TIMMDC1: variants seen among roughly 807,000 people sequenced by gnomAD.
The protein encoded by TIMMDC1 is complex I assembly factor TIMMDC1, mitochondrial.
TIMMDC1 carries 25 observed loss-of-function variants against 32.6 expected under a neutral mutation model. The observed-to-expected ratio is 0.77, with a 90% CI of 0.56 to 1.07. TIMMDC1 has a LOEUF of 1.07. TIMMDC1 is among the 50% of genes least tolerant of loss of function. TIMMDC1 has a pLI of 0.00. For missense variants in TIMMDC1, 329 were observed against 349.2 expected (o/e 0.94, Z 0.46); for synonymous variants, 130 against 127.6 (o/e 1.02, Z -0.13).
chr3:119,516,459 A>T (rs910364626), intron 5 of TIMMDC1, among the ~76,000 whole-genome samples: 1 of 152,142 alleles, frequency 6.6e-6, no homozygotes, highest in African/African-American at 2.4e-5. Flanking sequence ...ATAATACTCC[A>T]TTGTATGTGT....
In TIMMDC1 at chr3:119,498,828, C is replaced by T. The variant is rs751732797; in HGVS notation, c.95C>T (p.Ser32Leu). 5 of 1,614,106 alleles carry T rather than the reference C, an allele frequency of 3.1e-6. No homozygotes were observed. In the South Asian group the frequency reaches 3.3e-5, roughly 11 times the overall value. The change falls in exon 1 of 7, where the codon TCG (serine) becomes TTG (leucine). Residue 32 changes from serine (S) to leucine (L), a missense_variant. Transcript: ENST00000494664. ...GCTGCCGAAGCTGTGACTGCCGATT[C>T]GGAAGTCCTTGAGGAGCGTCAGAAG... ...VFAAEAVTAD[S>L]EVLEERQKRL...
intron 4 of TIMMDC1, among the ~76,000 whole-genome samples, chr3:119,510,407 A>T (rs933039604): frequency 2.0e-5 from 3 of 152,218 alleles, no homozygotes; most frequent in African/African-American, 7.2e-5. Flanking sequence ...AGCAATTCAA[A>T]TCAAAATTAC....
At position 119,505,368 on chromosome 3, in the gene TIMMDC1, T is replaced by A. The variant is rs181545846; in HGVS notation, c.517+1347T>A. Reference sequence around the variant, plus strand: ...TGTATTCTGAACATAAGTTTGTTTTTGTTTTTTTTTTTGAGATGGAGTTTT... The same window carrying A: ...TGTATTCTGAACATAAGTTTGTTTTAGTTTTTTTTTTTGAGATGGAGTTTT... On this transcript the variant is annotated intron_variant, in intron 4 of 6. Coordinates refer to ENST00000494664, the MANE Select transcript of TIMMDC1 (RefSeq NM_016589.4). Among the ~76,000 whole-genome samples the A allele has an allele frequency of 6.6e-5, 10 of 152,138 alleles. No individual in the cohort carries two copies. In the East Asian group the frequency reaches 1.9e-3, roughly 29 times the overall value.
At chr3:119,506,941 C>T (rs554500872) in intron 4 of TIMMDC1, among the ~76,000 whole-genome samples, 23 of 152,316 alleles carry the variant, frequency 1.5e-4, no homozygotes, top group African/African-American at 5.3e-4. Context: ...CCTTACCTTT[C>T]AAAGTCCAGA....
At chr3:119,504,717 T>C (rs1423686476) in intron 4 of TIMMDC1, among the ~76,000 whole-genome samples, 1 of 152,138 alleles carries the variant, frequency 6.6e-6, no homozygotes, top group South Asian at 2.1e-4. Flanking sequence ...GAGGAATAAG[T>C]TCAAGAGATC....
At chr3:119,513,323 AGAAG>A (rs1406857926) in intron 4 of TIMMDC1, among the ~76,000 whole-genome samples, 2 of 137,540 alleles carry the variant, frequency 1.5e-5, no homozygotes, top group Non-Finnish European at 3.2e-5. Flanking sequence ...CCTTGAAGAA[AGAAG>A]AAAGAAAGAG....
rs140791694 is a variant in TIMMDC1 at position 119,521,635 on chromosome 3, G to C, written c.708-1971G>C. Among the ~76,000 whole-genome samples the C allele has an allele frequency of 2.5e-3, 373 of 151,684 alleles. 2 individuals carry two copies. The highest frequency in any genetic ancestry group is 7.6e-3 in the African/African-American group (312 of 41,248). On this transcript the variant is annotated intron_variant, in intron 6 of 6. Transcript: ENST00000494664. ...TTGAGCCCAGTAATTCAAGGCAGCA[G>C]TGAGCCATGATTGTGCTACTGCACT...
At chr3:119,509,686 ATTT>A (rs35042893) in intron 4 of TIMMDC1, among the ~76,000 whole-genome samples, 1 of 139,360 alleles carries the variant, frequency 7.2e-6, no homozygotes. Context: ...ATGCAACTAA[ATTT>A]TTTTTTTTTT....
At chr3:119,519,137 C>T (rs1189251270) in intron 6 of TIMMDC1, among the ~76,000 whole-genome samples, 1 of 84,806 alleles carries the variant, frequency 1.2e-5, no homozygotes, top group Non-Finnish European at 2.6e-5. Flanking sequence ...GGAATCAAAC[C>T]TTATAATTAC....
At position 119,513,686 on chromosome 3, in the gene TIMMDC1, T is replaced by G. The variant is rs2081968226; in HGVS notation, c.563T>G (p.Leu188Arg). 1 of 1,609,320 alleles carries G rather than the reference T, an allele frequency of 6.2e-7. No homozygotes were observed. Residue 188 changes from leucine (L) to arginine (R), a missense_variant, in exon 5 of 7, where the codon CTG (leucine) becomes CGG (arginine). Coordinates refer to ENST00000494664, the MANE Select transcript of TIMMDC1 (RefSeq NM_016589.4). ...AGGATAAACGTAGGCCTGCGTGGCCTGGTGGCTGGTGGCATAATTGGAGCC... is the reference window on the plus strand; with the variant it reads ...AGGATAAACGTAGGCCTGCGTGGCCGGGTGGCTGGTGGCATAATTGGAGCC... The part of the protein sequence containing the change: ...LFRINVGLRG[L>R]VAGGIIGALL...
intron 1 of TIMMDC1, among the ~76,000 whole-genome samples, chr3:119,499,346 T>C (rs2081851275): frequency 6.6e-6 from 1 of 151,808 alleles, no homozygotes. Context: ...GCGATCCGCC[T>C]ACCTCGGCCT....
chr3:119,523,996 A>G lies in TIMMDC1; in HGVS notation c.*240A>G, dbSNP rs987263730. 34 of 328,456 alleles carry G rather than the reference A, an allele frequency of 1.0e-4. No homozygotes were observed. Among genetic ancestry groups the G allele is most frequent in the Admixed American group, 3.6e-4 (8 of 22,364 alleles). The allele number at this position is 328,456 out of a possible 1,614,324, so 20.3% of individuals were successfully genotyped here. On this transcript the variant is annotated 3_prime_UTR_variant, in exon 7 of 7. Transcript: ENST00000494664. ...CTTATGTTTGTATTAATCTATCAAT[A>G]TATGCATACATGAATATATCCACCC...
At chr3:119,502,927 T>C (rs982989608) in intron 2 of TIMMDC1, among the ~76,000 whole-genome samples, 2 of 152,238 alleles carry the variant, frequency 1.3e-5, no homozygotes, top group Non-Finnish European at 2.9e-5. Flanking sequence ...GGGCATTTTC[T>C]AAAGTCTATC....
chr3:119,499,746 T>C (rs1459466687), intron 1 of TIMMDC1, among the ~76,000 whole-genome samples: 1 of 152,224 alleles, frequency 6.6e-6, no homozygotes, highest in African/African-American at 2.4e-5. Context: ...AATTATTTTA[T>C]AGTAACTTAA....
chr3:119,520,021 G>GA (rs748463845), intron 6 of TIMMDC1, among the ~76,000 whole-genome samples: 3 of 152,104 alleles, frequency 2.0e-5, no homozygotes, highest in East Asian at 1.9e-4. Flanking sequence ...ATAGGTCAAT[G>GA]AAAAAATTAA....
At chr3:119,521,710 G>A (rs2082028056) in intron 6 of TIMMDC1, among the ~76,000 whole-genome samples, 1 of 150,922 alleles carries the variant, frequency 6.6e-6, no homozygotes, top group South Asian at 2.1e-4. Flanking sequence ...AAAAAAAAGT[G>A]GGCGGGGGAG....
chr3:119,504,810 G>A (rs1028732374), intron 4 of TIMMDC1, among the ~76,000 whole-genome samples: 1 of 152,076 alleles, frequency 6.6e-6, no homozygotes, highest in Non-Finnish European at 1.5e-5. Flanking sequence ...TTGGCCAAGC[G>A]GTGGCTCACA....
chr3:119,523,817 C>G lies in TIMMDC1; in HGVS notation c.*61C>G. The G allele has an allele frequency of 7.0e-7, 1 of 1,438,738 alleles. No individual in the cohort carries two copies. The highest frequency in any genetic ancestry group is 9.2e-7 in the Non-Finnish European group (1 of 1,085,816). The allele number at this position is 1,438,738 out of a possible 1,614,324, so 89.1% of individuals were successfully genotyped here. On this transcript the variant is annotated 3_prime_UTR_variant, in exon 7 of 7. Coordinates refer to ENST00000494664, the MANE Select transcript of TIMMDC1 (RefSeq NM_016589.4). The stretch of plus-strand genomic sequence containing the variant: ...AGGGAGCTGCCATGTCCGATGAATG[C>G]CAACAGACAGGCCACTCTTTGGTCA...
In TIMMDC1 at chr3:119,523,844, C is replaced by G; in HGVS notation, c.*88C>G. The G allele has an allele frequency of 7.4e-7, 1 of 1,345,106 alleles. No individual in the cohort carries two copies. The allele number at this position is 1,345,106 out of a possible 1,614,324, so 83.3% of individuals were successfully genotyped here. On this transcript the variant is annotated 3_prime_UTR_variant, in exon 7 of 7. Transcript: ENST00000494664. ...AACAGACAGGCCACTCTTTGGTCAG[C>G]CTGCTGACAAATTTAAGTGCTGGTA...
Sources: allele counts gnomAD v4.1 joint callset (sites outside exome capture counted in the v4.1 genomes callset), GRCh38; gene constraint gnomAD v4.1.1; transcripts MANE v1.5; gene names NCBI Gene and HGNC (gene_info 2026-07-23, HGNC 2026-07-21).